KCND3: variants seen among roughly 807,000 people sequenced by gnomAD.
The protein encoded by KCND3 is A-type voltage-gated potassium channel KCND3.
A neutral mutation model predicts 51.1 loss-of-function variants in KCND3; 9 were observed. That is an observed-to-expected ratio of 0.18 (90% CI 0.11 to 0.31). The LOEUF is 0.31. Among genes scored for constraint, KCND3 ranks in the 10% least tolerant of loss-of-function variants. KCND3 has a pLI of 1.00. For missense variants in KCND3, 526 were observed against 903.8 expected, an observed-to-expected ratio of 0.58 and a Z score of 5.36; for synonymous variants, 349 against 368.0, an observed-to-expected ratio of 0.95 and a Z score of 0.59.
At chr1:111,987,507 G>T (rs1021390512) in intron 1 of KCND3, among the ~76,000 whole-genome samples, 1 of 152,162 alleles carries the variant, frequency 6.6e-6, no homozygotes, top group African/African-American at 2.4e-5. Context: ...CTCTGTGTGT[G>T]GGGGTTGGGA....
intron 2 of KCND3, among the ~76,000 whole-genome samples, chr1:111,950,370 C>T (rs58084624): frequency 0.1 from 15,205 of 152,236 alleles, 972 homozygotes; most frequent in Middle Eastern, 0.16. Context: ...CACCACCTTC[C>T]GCCTGTCCTT....
intron 2 of KCND3, among the ~76,000 whole-genome samples, chr1:111,827,304 G>A (rs2101611468): frequency 6.6e-6 from 1 of 152,358 alleles, no homozygotes; most frequent in East Asian, 1.9e-4. Context: ...CAAGAGGAGA[G>A]GTAAGGCAGC....
chr1:111,864,192 A>G (rs1668455784), intron 2 of KCND3, among the ~76,000 whole-genome samples: 1 of 152,024 alleles, frequency 6.6e-6, no homozygotes, highest in Non-Finnish European at 1.5e-5. Flanking sequence ...GAAGAAGGAC[A>G]CATATTCTTC....
Position 111,780,273 on chromosome 1 carries a change from G to A in KCND3, c.1413C>T (p.Leu471=), listed in dbSNP as rs879148084. The A allele has an allele frequency of 3.2e-6, 5 of 1,586,796 alleles. No individual in the cohort carries two copies. The South Asian group carries it at 4.6e-5, about 15-fold the overall frequency. Residue 471 remains leucine (L), a synonymous_variant, in exon 5 of 8, where the codon CTC becomes CTT. Transcript: ENST00000302127. The surrounding 1 kb of genome is among the most constrained non-coding windows in gnomAD (Gnocchi z 4.2). The stretch of plus-strand genomic sequence containing the variant: ...GCAGGTGATGATGCTGGCTCTCGAT[G>A]AGTGAGGTGGTCTTGCCCATGTGCT... ...EEEHMGKTTS[L]IESQHHHLLH...
chr1:111,962,058 G>T (rs1378544268), intron 2 of KCND3, among the ~76,000 whole-genome samples: 1 of 152,206 alleles, frequency 6.6e-6, no homozygotes, highest in Non-Finnish European at 1.5e-5. Context: ...AAGCATGAGG[G>T]CAGGAGAGCT....
chr1:111,828,321 G>A (rs947616323), intron 2 of KCND3, among the ~76,000 whole-genome samples: 1 of 152,138 alleles, frequency 6.6e-6, no homozygotes, highest in Non-Finnish European at 1.5e-5. Flanking sequence ...CCGTCTACCT[G>A]TGGCCATCTC....
intron 2 of KCND3, among the ~76,000 whole-genome samples, chr1:111,951,874 G>A (rs746033514): frequency 6.6e-5 from 10 of 151,136 alleles, no homozygotes; most frequent in African/African-American, 1.7e-4. Context: ...GTGGGAAGAC[G>A]GAGAAGCAAC....
intron 2 of KCND3, among the ~76,000 whole-genome samples, chr1:111,865,879 A>G (rs1571763271): frequency 6.6e-6 from 1 of 151,710 alleles, no homozygotes; most frequent in Non-Finnish European, 1.5e-5. Flanking sequence ...TAATTTTTGT[A>G]TTTTTTTGTA....
intron 2 of KCND3, among the ~76,000 whole-genome samples, chr1:111,787,593 A>G (rs113740581): frequency 0.026 from 3,998 of 152,256 alleles, 181 homozygotes; most frequent in African/African-American, 0.09. Context: ...GCAGGACTGG[A>G]CACCACAAGA....
chr1:111,898,360 C>T (rs1428426383), intron 2 of KCND3, among the ~76,000 whole-genome samples: 6 of 152,174 alleles, frequency 3.9e-5, no homozygotes, highest in East Asian at 1.9e-4. Context: ...TCTGCTCCCC[C>T]GTGGCTCAGC....
At position 111,802,374 on chromosome 1, in the gene KCND3, G is replaced by A. The variant is rs78182565; in HGVS notation, c.1107-15268C>T. Among the ~76,000 whole-genome samples, 222 of 152,264 alleles carry A rather than the reference G, an allele frequency of 1.5e-3. 4 individuals are homozygous for A. The East Asian group carries it at 0.034, about 24-fold the overall frequency. ...GGCTGTTTCACACTTGCCTGCCCCCGCTCTGGCAGGCCCTAAGCTGGGTAC... is the reference window on the plus strand; with the variant it reads ...GGCTGTTTCACACTTGCCTGCCCCCACTCTGGCAGGCCCTAAGCTGGGTAC... On this transcript the variant is annotated intron_variant, in intron 2 of 7. Transcript: ENST00000302127.
rs559458377 is a variant in KCND3 at position 111,984,942 on chromosome 1, A to G, written c.-72-2144T>C. On this transcript the variant is annotated intron_variant, in intron 1 of 7. Transcript: ENST00000302127. ...TCGTTGTTTGCCCCTCTTCCCTAGC[A>G]CCTATCACCCCGCAGCTAGGATTAC... 3.9e-5 allele frequency among the ~76,000 whole-genome samples: 6 copies of G among 152,180 alleles called. No homozygotes were observed. In the East Asian group the frequency reaches 1.2e-3, roughly 29 times the overall value.
chr1:111,812,657 C>A (rs542934850), intron 2 of KCND3, among the ~76,000 whole-genome samples: 1 of 152,254 alleles, frequency 6.6e-6, no homozygotes, highest in East Asian at 1.9e-4. Flanking sequence ...TGAAACTAGG[C>A]CTCATTTGCT....
intron 2 of KCND3, among the ~76,000 whole-genome samples, chr1:111,895,343 G>A (rs558395377): frequency 9.9e-5 from 15 of 152,284 alleles, no homozygotes; most frequent in Admixed American, 2.6e-4. Context: ...AAAACGTCAT[G>A]CATTTTACAT....
chr1:111,824,824 T>C (rs1445687458), intron 2 of KCND3, among the ~76,000 whole-genome samples: 1 of 152,156 alleles, frequency 6.6e-6, no homozygotes, highest in Non-Finnish European at 1.5e-5. Flanking sequence ...TTTCCACACA[T>C]AGTTACATTT....
At chr1:111,898,259 T>C (rs560577239) in intron 2 of KCND3, among the ~76,000 whole-genome samples, 1 of 152,188 alleles carries the variant, frequency 6.6e-6, no homozygotes, top group East Asian at 1.9e-4. Context: ...TGATTCTACC[T>C]CTGGGTGGGA....
intron 2 of KCND3, among the ~76,000 whole-genome samples, chr1:111,922,652 C>A (rs115811611): frequency 2.0e-5 from 3 of 152,178 alleles, no homozygotes; most frequent in African/African-American, 7.2e-5. Context: ...TCAGTTAATA[C>A]ATGTAAGGGC....
At chr1:111,800,303 C>T (rs1224868578) in intron 2 of KCND3, among the ~76,000 whole-genome samples, 2 of 93,602 alleles carry the variant, frequency 2.1e-5, no homozygotes, top group Non-Finnish European at 4.3e-5. Context: ...GGATTAAGGG[C>T]GGTGCAAGAT....
At chr1:111,792,608 T>TAGA (rs1664885598) in intron 2 of KCND3, among the ~76,000 whole-genome samples, 1 of 152,206 alleles carries the variant, frequency 6.6e-6, no homozygotes. Context: ...ATCCTGGCTC[T>TAGA]GCCACTTGTT....
Sources: allele counts gnomAD v4.1 joint callset (sites outside exome capture counted in the v4.1 genomes callset), GRCh38; gene constraint gnomAD v4.1.1; non-coding constraint Gnocchi (gnomAD v3.1); transcripts MANE v1.5; gene names NCBI Gene and HGNC (gene_info 2026-07-23, HGNC 2026-07-21).